KCTD1: variants seen among roughly 807,000 people sequenced by gnomAD.
The protein encoded by KCTD1 is potassium channel tetramerization domain containing 1.
A neutral mutation model predicts 66.0 loss-of-function variants in KCTD1; 24 were observed. The ratio of observed to expected loss-of-function variants is 0.36; its 90% CI spans 0.26 to 0.51. The LOEUF is 0.51. Among genes scored for constraint, KCTD1 ranks in the 20% least tolerant of loss-of-function variants. The probability of loss-of-function intolerance (pLI) is 0.95; values close to 1 mark genes in which losing one functional copy is unlikely to be tolerated. For missense variants in KCTD1, 943 were observed against 1,205.2 expected (o/e 0.78, Z 3.22); for synonymous variants, 511 against 517.2 (o/e 0.99, Z 0.16).
chr18:26,613,591 T>TA (rs1418263671), intron 1 of KCTD1, among the ~76,000 whole-genome samples: 1 of 152,222 alleles, frequency 6.6e-6, no homozygotes, highest in African/African-American at 2.4e-5. Flanking sequence ...ATTGTACTGC[T>TA]AAAGTGTCCA....
chr18:26,655,803 T>C (rs1194800925), intron 1 of KCTD1: 3 of 152,292 alleles, frequency 2.0e-5, no homozygotes, highest in Non-Finnish European at 4.4e-5. Context: ...CAAGTTGCGG[T>C]GGCGGGGCGG....
intron 2 of KCTD1, among the ~76,000 whole-genome samples, chr18:26,497,623 A>C (rs1982546645): frequency 6.6e-6 from 1 of 152,226 alleles, no homozygotes; most frequent in Non-Finnish European, 1.5e-5. Flanking sequence ...ATGAACATTT[A>C]ATTACCTACA....
intron 1 of KCTD1, among the ~76,000 whole-genome samples, chr18:26,652,104 G>A (rs1485959748): frequency 1.3e-5 from 2 of 152,196 alleles, no homozygotes; most frequent in East Asian, 1.9e-4. Context: ...GAGGGACTGA[G>A]ACAGCAGGGG....
intron 1 of KCTD1, among the ~76,000 whole-genome samples, chr18:26,511,123 C>T (rs1257649680): frequency 6.6e-6 from 1 of 152,046 alleles, no homozygotes; most frequent in Non-Finnish European, 1.5e-5. Context: ...TGACACAGTG[C>T]TATATTTTAC....
intron 1 of KCTD1, among the ~76,000 whole-genome samples, chr18:26,567,893 T>C (rs557084333): frequency 1.3e-5 from 2 of 152,290 alleles, no homozygotes; most frequent in South Asian, 4.2e-4. Context: ...ACCTGCCCCC[T>C]CTCTTACTGC....
intron 1 of KCTD1, among the ~76,000 whole-genome samples, chr18:26,597,270 TG>T (rs1986788064): frequency 6.6e-6 from 1 of 151,406 alleles, no homozygotes; most frequent in African/African-American, 2.4e-5. Flanking sequence ...TGGCCTAGTG[TG>T]GGCTGCTGGG....
intron 1 of KCTD1, among the ~76,000 whole-genome samples, chr18:26,554,136 A>T (rs1985647397): frequency 6.6e-6 from 1 of 150,714 alleles, no homozygotes; most frequent in Non-Finnish European, 1.5e-5. Context: ...AGAAAGAAAG[A>T]ATAATCAAGG....
intron 1 of KCTD1, among the ~76,000 whole-genome samples, chr18:26,576,829 A>G (rs1362039341): frequency 1.3e-5 from 2 of 152,210 alleles, no homozygotes; most frequent in African/African-American, 4.8e-5. Flanking sequence ...CTATGTATTT[A>G]TTATTAAAAT....
upstream of KCTD1, among the ~76,000 whole-genome samples, chr18:26,633,796 A>C (rs959674683): frequency 1.3e-5 from 2 of 152,230 alleles, no homozygotes; most frequent in Non-Finnish European, 2.9e-5. Flanking sequence ...TTAAAGTACT[A>C]ATGAGACATC....
rs139014870 is a variant in KCTD1 at position 26,619,847 on chromosome 18, GC to G, written c.-16+9299del. On this transcript the variant is annotated intron_variant, in intron 1 of 4. Transcript: ENST00000317932. ...CCACCAAATGCATCAGCTCCAAAAT[GC>G]CGTTCTTGGGCTTCCTATTATGTGA... Among the ~76,000 whole-genome samples the G allele has an allele frequency of 4.7e-3, 716 of 152,284 alleles. 7 individuals are homozygous for G. The highest frequency in any genetic ancestry group is 0.016 in the African/African-American group (673 of 41,560).
chr18:26,510,503 T>C (rs180797530), intron 1 of KCTD1, among the ~76,000 whole-genome samples: 1 of 152,360 alleles, frequency 6.6e-6, no homozygotes. Flanking sequence ...CTGCTGTTTA[T>C]CTATTTCACT....
rs757795249 is a variant in KCTD1, at chr18:26,647,691, A to AATGGCATT, written c.9+9661_9+9668dup. ...AACCTGCCTTCCATCCCAGACTTGG[A>AATGGCATT]ATGGCATTTCTGATAAGGGAGAGAC... is the stretch of plus-strand genomic sequence containing the variant. On this transcript the variant is annotated intron_variant, in intron 1 of 4. Transcript: ENST00000580191. 5.3e-5 allele frequency among the ~76,000 whole-genome samples: 8 copies of AATGGCATT among 152,188 alleles called. No individual in the cohort carries two copies. In the East Asian group the frequency reaches 1.4e-3, roughly 26 times the overall value.
At chr18:26,520,380 G>A (rs1451529820) in intron 1 of KCTD1, among the ~76,000 whole-genome samples, 1 of 152,162 alleles carries the variant, frequency 6.6e-6, no homozygotes, top group Non-Finnish European at 1.5e-5. Context: ...AATTATTGAT[G>A]ACTAACAGTA....
intron 1 of KCTD1, among the ~76,000 whole-genome samples, chr18:26,602,838 A>C (rs558621473): frequency 2.0e-5 from 3 of 152,364 alleles, no homozygotes; most frequent in Admixed American, 2.0e-4. Context: ...AAAGGGCCTA[A>C]ATATGAGAAT....
chr18:26,577,548 T>C (rs1986253578), intron 1 of KCTD1, among the ~76,000 whole-genome samples: 1 of 152,022 alleles, frequency 6.6e-6, no homozygotes, highest in Admixed American at 6.6e-5. Context: ...TCTTAATTTT[T>C]TTTTTTTTAG....
chr18:26,533,856 ATGGAATTTGC>A (rs1335903967), intron 1 of KCTD1, among the ~76,000 whole-genome samples: 1 of 149,428 alleles, frequency 6.7e-6, no homozygotes, highest in East Asian at 1.9e-4. Context: ...AAAGCAAGCC[ATGGAATTTGC>A]GATTTATCAT....
chr18:26,462,282 T>C (rs1054200986), intron 3 of KCTD1, among the ~76,000 whole-genome samples: 2 of 152,236 alleles, frequency 1.3e-5, no homozygotes, highest in African/African-American at 4.8e-5. Flanking sequence ...TGCTAGGGTT[T>C]ATTAAAGTGA....
At chr18:26,648,641 G>A (rs1987972796) in intron 1 of KCTD1, among the ~76,000 whole-genome samples, 1 of 152,144 alleles carries the variant, frequency 6.6e-6, no homozygotes, top group African/African-American at 2.4e-5. Context: ...AAATATGAGA[G>A]GAGTTAAAAT....
intron 1 of KCTD1, among the ~76,000 whole-genome samples, chr18:26,519,621 G>C (rs948021960): frequency 6.6e-6 from 1 of 152,046 alleles, no homozygotes; most frequent in Admixed American, 6.6e-5. Flanking sequence ...TCCATCACTG[G>C]AATTATTTCA....
Sources: gnomAD v4.1 joint callset for allele counts (sites outside exome capture counted in the v4.1 genomes callset) on GRCh38, gnomAD v4.1.1 for gene constraint, MANE v1.5 for transcripts, NCBI Gene and HGNC (gene_info 2026-07-23, HGNC 2026-07-21) for gene names.